TMEM272: variants seen among roughly 807,000 people sequenced by gnomAD.
TMEM272 encodes the protein long intergenic non-protein coding RNA 282.
In TMEM272, 8 loss-of-function variants were observed where a neutral mutation model predicts 3.7. That is an observed-to-expected ratio of 2.17 (90% CI 1.27 to 3.91). TMEM272 has a LOEUF of 3.91. Ranked by LOEUF, TMEM272 falls within the 30% of genes most tolerant of loss-of-function variation. TMEM272 has a pLI of 0.00. For synonymous variants in TMEM272, 63 were observed against 39.8 expected, an observed-to-expected ratio of 1.58 and a Z score of -2.20; for missense variants, 166 against 91.5, an observed-to-expected ratio of 1.81 and a Z score of -3.32.
chr13:51,915,641 G>A, the TMEM272 span, among the ~76,000 whole-genome samples: 2 of 152,254 alleles, frequency 1.3e-5, no homozygotes, highest in African/African-American at 4.8e-5. Context: ...GAAGTGGACA[G>A]TGGGAGTAGT....
intron 4 of TMEM272, among the ~76,000 whole-genome samples, chr13:51,818,895 A>T (rs540869663): frequency 6.6e-6 from 1 of 152,226 alleles, no homozygotes. Context: ...AGAGAAGTTA[A>T]GTCACTTCAC....
chr13:51,865,738 T>A, the TMEM272 span: 3 of 1,613,878 alleles, frequency 1.9e-6, no homozygotes, highest in Non-Finnish European at 2.5e-6. Context: ...AAGAGAAAAC[T>A]TTCTGGAAAA....
chr13:51,813,522 A>G lies in TMEM272; in HGVS notation c.*3229T>C, dbSNP rs1261827552. On this transcript the variant is annotated 3_prime_UTR_variant, in exon 5 of 5. Coordinates refer to ENST00000629372, the MANE Select transcript of TMEM272 (RefSeq NM_001351003.2). ...ACATTATATTGTCCTCATGGTGACAACCAGGATGGGCCTGACATAAGCCAG... is the reference window on the plus strand; with the variant it reads ...ACATTATATTGTCCTCATGGTGACAGCCAGGATGGGCCTGACATAAGCCAG... The G allele has an allele frequency of 2.9e-6, 1 of 349,554 alleles. No homozygotes were observed. The highest frequency in any genetic ancestry group is 2.1e-5 in the African/African-American group (1 of 47,378). The allele number at this position is 349,554 out of a possible 1,614,324, so 21.7% of individuals were successfully genotyped here.
chr13:51,885,217 T>C, the TMEM272 span, among the ~76,000 whole-genome samples: 2 of 152,246 alleles, frequency 1.3e-5, no homozygotes, highest in African/African-American at 4.8e-5. Context: ...GTGACACTTA[T>C]TCCTTTTCAC....
chr13:51,866,231 A>T, the TMEM272 span: 2 of 667,770 alleles, frequency 3.0e-6, no homozygotes, highest in Admixed American at 6.6e-5. Context: ...TTGGAAAACC[A>T]ACTTATTTGA....
At chr13:51,834,828 G>A (rs1956201250) in intron 2 of TMEM272, among the ~76,000 whole-genome samples, 3 of 152,358 alleles carry the variant, frequency 2.0e-5, no homozygotes, top group South Asian at 4.1e-4. Context: ...GTTATCCTAT[G>A]AGGGCTAGAG....
At chr13:51,909,446 C>A in the TMEM272 span, 47 of 876,852 alleles carry the variant, frequency 5.4e-5, no homozygotes, top group Non-Finnish European at 7.8e-5. Context: ...TGTAGAGTTT[C>A]ATTTCATTTT....
the TMEM272 span, among the ~76,000 whole-genome samples, chr13:51,884,593 T>C: frequency 6.6e-6 from 1 of 152,190 alleles, no homozygotes; most frequent in Non-Finnish European, 1.5e-5. Context: ...CCACCTGACT[T>C]GGTCATGTAT....
the TMEM272 span, among the ~76,000 whole-genome samples, chr13:51,864,371 A>G: frequency 6.6e-6 from 1 of 152,090 alleles, no homozygotes; most frequent in African/African-American, 2.4e-5. Flanking sequence ...CCACACCAGC[A>G]ACTATTACTC....
At chr13:51,882,007 A>C in the TMEM272 span, among the ~76,000 whole-genome samples, 1 of 152,256 alleles carries the variant, frequency 6.6e-6, no homozygotes, top group East Asian at 1.9e-4. Flanking sequence ...GTGAGACTAA[A>C]GAATTTAAAG....
chr13:51,879,562 G>A, the TMEM272 span, among the ~76,000 whole-genome samples: 1 of 152,156 alleles, frequency 6.6e-6, no homozygotes, highest in South Asian at 2.1e-4. Context: ...CAATTCAGAG[G>A]AAGATTTGGA....
chr13:51,878,505 G>A, the TMEM272 span, among the ~76,000 whole-genome samples: 1 of 152,218 alleles, frequency 6.6e-6, no homozygotes, highest in Non-Finnish European at 1.5e-5. Context: ...AGCATGGGGG[G>A]GAATGCCCCC....
chr13:51,928,483 G>A, the TMEM272 span, among the ~76,000 whole-genome samples: 2 of 152,144 alleles, frequency 1.3e-5, no homozygotes, highest in Non-Finnish European at 2.9e-5. Flanking sequence ...CTGAAGCCCC[G>A]ACTGCACTCA....
the TMEM272 span, among the ~76,000 whole-genome samples, chr13:51,871,926 C>T: frequency 2.0e-5 from 3 of 151,758 alleles, no homozygotes; most frequent in East Asian, 5.8e-4. Flanking sequence ...TCCCTTCTAA[C>T]AGGAGAATGG....
chr13:51,870,130 A>G, the TMEM272 span, among the ~76,000 whole-genome samples: 3 of 152,146 alleles, frequency 2.0e-5, no homozygotes, highest in Non-Finnish European at 2.9e-5. Flanking sequence ...AGGTGAAGTC[A>G]CTTACATCAG....
At chr13:51,932,774 G>A in the TMEM272 span, 2 of 152,102 alleles carry the variant, frequency 1.3e-5, no homozygotes, top group East Asian at 3.8e-4. Flanking sequence ...CCATCTAAAA[G>A]GTTATTTTCT....
chr13:51,905,674 A>G, the TMEM272 span, among the ~76,000 whole-genome samples: 1 of 152,228 alleles, frequency 6.6e-6, no homozygotes, highest in Non-Finnish European at 1.5e-5. Context: ...TGGTAGAATA[A>G]GTGCTAGGAA....
chr13:51,929,627 G>T, the TMEM272 span, among the ~76,000 whole-genome samples: 1 of 152,246 alleles, frequency 6.6e-6, no homozygotes, highest in Non-Finnish European at 1.5e-5. Flanking sequence ...CCTAAGGAAA[G>T]CACCAGCATT....
the TMEM272 span, among the ~76,000 whole-genome samples, chr13:51,852,430 C>CCT: frequency 6.6e-6 from 1 of 152,204 alleles, no homozygotes; most frequent in Non-Finnish European, 1.5e-5. Context: ...TTTCACAAAG[C>CCT]CTGCTTCCAG....
Sources: gnomAD v4.1 joint callset for allele counts (sites outside exome capture counted in the v4.1 genomes callset) on GRCh38, gnomAD v4.1.1 for gene constraint, MANE v1.5 for transcripts, NCBI Gene and HGNC (gene_info 2026-07-23, HGNC 2026-07-21) for gene names.